Variants in ASAP3 observed in about 807,000 individuals in gnomAD.
ASAP3 encodes ArfGAP with SH3 domain, ankyrin repeat and PH domain 3.
A neutral mutation model predicts 118.2 loss-of-function variants in ASAP3; 85 were observed. That is an observed-to-expected ratio of 0.72 (90% CI 0.60 to 0.86). The LOEUF (loss-of-function observed/expected upper bound fraction) is 0.86. Ranked by LOEUF, ASAP3 falls within the 40% of genes least tolerant of loss-of-function variation. ASAP3 has a pLI of 0.00. For missense variants in ASAP3, 1,026 were observed against 1,175.0 expected (o/e 0.87, Z 1.85); for synonymous variants, 432 against 477.4 (o/e 0.90, Z 1.24).
chr1:23,470,293 A>G (rs1641918663), intron 1 of ASAP3, among the ~76,000 whole-genome samples: 2 of 152,218 alleles, frequency 1.3e-5, no homozygotes, highest in African/African-American at 4.8e-5. Context: ...AGAGTGAGCC[A>G]AAGACTCCAA....
At chr1:23,459,315 A>G (rs182146145) in intron 1 of ASAP3, among the ~76,000 whole-genome samples, 8 of 152,196 alleles carry the variant, frequency 5.3e-5, no homozygotes, top group African/African-American at 1.7e-4. Context: ...GTCCTGGGAC[A>G]TGGACCTGAG....
upstream of ASAP3, chr1:23,484,588 T>C (rs113249004): frequency 0.043 from 6,544 of 153,210 alleles, 166 homozygotes; most frequent in Middle Eastern, 0.15. Context: ...GCCCAGGCTG[T>C]TCCATCTCCG....
chr1:23,458,571 G>C (rs1641462587), intron 1 of ASAP3, among the ~76,000 whole-genome samples: 1 of 152,106 alleles, frequency 6.6e-6, no homozygotes, highest in African/African-American at 2.4e-5. Flanking sequence ...CTGCACTCCA[G>C]CATGGGTGAC....
In ASAP3 at chr1:23,441,216, C is replaced by G; in HGVS notation, c.835-5G>C. The G allele has an allele frequency of 1.9e-6, 3 of 1,614,182 alleles. No homozygotes were observed. Among genetic ancestry groups the G allele is most frequent in the Non-Finnish European group, 2.5e-6 (3 of 1,180,020 alleles). On this transcript the variant is annotated splice_polypyrimidine_tract_variant and splice_region_variant and intron_variant, in intron 9 of 24. Coordinates refer to ENST00000336689, the MANE Select transcript of ASAP3 (RefSeq NM_017707.4). ...GTTCTTCCGGCTCAGGTGTTCCTGT[C>G]CCTCGGACATGCAAAGGAGACCTCA...
At chr1:23,470,408 C>A (rs1464202099) in intron 1 of ASAP3, among the ~76,000 whole-genome samples, 5 of 152,202 alleles carry the variant, frequency 3.3e-5, no homozygotes, top group Non-Finnish European at 7.3e-5. Flanking sequence ...TACCCCTCTG[C>A]CTCATCCATA....
At chr1:23,451,018 C>A (rs564462592) in intron 5 of ASAP3, among the ~76,000 whole-genome samples, 17 of 152,340 alleles carry the variant, frequency 1.1e-4, no homozygotes, top group Non-Finnish European at 1.8e-4. Context: ...CCAACTGACA[C>A]TGAGGAACGA....
chr1:23,445,390 T>A (rs950788173), intron 5 of ASAP3, among the ~76,000 whole-genome samples: 2 of 151,702 alleles, frequency 1.3e-5, no homozygotes, highest in Admixed American at 1.3e-4. Flanking sequence ...ACTCAAAAGG[T>A]TGAGGTAGGA....
intron 5 of ASAP3, among the ~76,000 whole-genome samples, chr1:23,450,751 A>T (rs959725062): frequency 9.2e-5 from 14 of 152,186 alleles, no homozygotes; most frequent in African/African-American, 3.4e-4. Context: ...CTTTGGCAAA[A>T]TGCAAGAGAA....
chr1:23,483,726 G>C (rs1214249669), intron 1 of ASAP3, among the ~76,000 whole-genome samples: 2 of 152,240 alleles, frequency 1.3e-5, no homozygotes, highest in African/African-American at 4.8e-5. Context: ...ACACATATGT[G>C]ATGAGGCGGT....
intron 3 of ASAP3, 27 bp from the exon 4 acceptor site, chr1:23,452,798 C>T (rs767418925): frequency 1.9e-6 from 3 of 1,610,910 alleles, no homozygotes; most frequent in Non-Finnish European, 2.5e-6. Context: ...CGCTCATTCC[C>T]GCCTCAGGTG....
intron 1 of ASAP3, among the ~76,000 whole-genome samples, chr1:23,478,140 C>T (rs1642192116): frequency 6.6e-6 from 1 of 152,242 alleles, no homozygotes; most frequent in South Asian, 2.1e-4. Context: ...AGTCTTGCTG[C>T]ACCCCCTTAG....
Position 23,436,632 on chromosome 1 carries a change from G to C in ASAP3, c.1499C>G (p.Thr500Arg), listed in dbSNP as rs750474928. Residue 500 changes from threonine to arginine, a missense_variant, in exon 16 of 25, where the codon ACG becomes AGG. By Grantham distance (71) the Thr-to-Arg change is moderately conservative. Coordinates refer to ENST00000336689, the MANE Select transcript of ASAP3 (RefSeq NM_017707.4). The surrounding 1 kb of genome is among the most constrained non-coding windows in gnomAD (Gnocchi z 4.2). The stretch of plus-strand genomic sequence containing the variant: ...GGCCTCCATGACCTCATTGAAGCTC[G>C]TGTTTCCCATGTTCAAGGCCAGCTG... Reference protein sequence around the residue: ...ELLLALNMGNTSFNEVMEAQL... With the variant: ...ELLLALNMGNRSFNEVMEAQL... The C allele has an allele frequency of 1.2e-6, 2 of 1,614,218 alleles. No individual in the cohort carries two copies. The highest frequency in any genetic ancestry group is 1.7e-6 in the Non-Finnish European group (2 of 1,180,030).
rs1436734868 is a variant in ASAP3 at position 23,428,639 on chromosome 1, C to T, written c.*1217G>A. ...TGAATGAAACCAGACACTGGGGGCT[C>T]AAAAGACAACCCTGTTCCTGTGGGA... On this transcript the variant is annotated 3_prime_UTR_variant, in exon 25 of 25. Coordinates refer to ENST00000336689, the MANE Select transcript of ASAP3 (RefSeq NM_017707.4). The T allele has an allele frequency of 6.6e-6, 1 of 152,432 alleles. No homozygotes were observed. The highest frequency in any genetic ancestry group is 2.1e-4 in the South Asian group (1 of 4,838). 9.4% of individuals were successfully genotyped at this position (152,432 alleles called of 1,614,324 possible).
intron 1 of ASAP3, 32 bp from the exon 2 acceptor site, chr1:23,456,226 T>C: frequency 6.2e-7 from 1 of 1,606,196 alleles, no homozygotes; most frequent in Non-Finnish European, 8.5e-7. Flanking sequence ...GGTTCAGGGA[T>C]GCCAAGCTGG....
intron 1 of ASAP3, among the ~76,000 whole-genome samples, chr1:23,468,637 C>G (rs1445419476): frequency 6.6e-6 from 1 of 151,554 alleles, no homozygotes; most frequent in East Asian, 1.9e-4. Flanking sequence ...CTTTGGGAGG[C>G]TGAGGTGGGA....
At chr1:23,441,001 T>C (rs1640852601) in intron 10 of ASAP3, 101 bp downstream of exon 10, 1 of 1,130,238 alleles carries the variant, frequency 8.8e-7, no homozygotes, top group Admixed American at 1.9e-5. Context: ...CCTCGGTGTC[T>C]ACACAAATGA....
rs773865711 is a variant in ASAP3, at chr1:23,433,629, C to T, written c.2016G>A (p.Glu672=). Residue 672 remains glutamate (E), a synonymous_variant, in exon 20 of 25, where the codon GAG becomes GAA. Transcript: ENST00000336689. ...CCTTGCCTCCCCGAGTCCTCACCAGCTCCTCACACTCCTTGTGGTGCTTCT... is the reference window on the plus strand; with the variant it reads ...CCTTGCCTCCCCGAGTCCTCACCAGTTCCTCACACTCCTTGTGGTGCTTCT... ...ARKKHHKECE[E]LLEQAQAGTF... is the part of the protein sequence containing the mutation. 1.2e-6 allele frequency: 2 copies of T among 1,614,252 alleles called. No homozygotes were observed. Among genetic ancestry groups the T allele is most frequent in the South Asian group, 1.1e-5 (1 of 91,086 alleles).
chr1:23,440,152 A>C (rs528949590), intron 10 of ASAP3, among the ~76,000 whole-genome samples: 1 of 147,582 alleles, frequency 6.8e-6, no homozygotes, highest in East Asian at 2.0e-4. Context: ...TACACTAGGA[A>C]GCAAGGCACA....
At position 23,437,042 on chromosome 1, in the gene ASAP3, G is replaced by T. The variant is rs535978345; in HGVS notation, c.1345C>A (p.Pro449Thr). 6.2e-7 allele frequency: 1 copy of T among 1,610,092 alleles called. No individual in the cohort carries two copies. Among genetic ancestry groups the T allele is most frequent in the South Asian group, 1.1e-5 (1 of 90,536 alleles). The change falls in exon 15 of 25, where the codon CCC becomes ACC. Residue 449 changes from proline to threonine, a missense_variant and splice_region_variant. Physicochemically the swap from Pro to Thr is conservative, Grantham distance 38. Transcript: ENST00000336689. This position sits in a 1 kb window ranked among gnomAD's most constrained non-coding sequence, Gnocchi z 6.1. Reference sequence around the variant, plus strand: ...CCCAGGTTGGTGCTGAGCCACGTGGGGTCTGCAGAGGAAAGCAGCTGGAGC... The same window carrying T: ...CCCAGGTTGGTGCTGAGCCACGTGGTGTCTGCAGAGGAAAGCAGCTGGAGC... The part of the protein sequence containing the change: ...SQCCDCGAAD[P>T]TWLSTNLGVL...
Sources: gnomAD v4.1 joint callset for allele counts (sites outside exome capture counted in the v4.1 genomes callset) on GRCh38, gnomAD v4.1.1 for gene constraint, Gnocchi (gnomAD v3.1) non-coding constraint, MANE v1.5 for transcripts, NCBI Gene and HGNC (gene_info 2026-07-23, HGNC 2026-07-21) for gene names.